The following ADAP1 variants were observed in gnomAD, a reference collection of about 807,000 sequenced individuals.
The protein encoded by ADAP1 is ArfGAP with dual PH domains 1.
A neutral mutation model predicts 54.9 loss-of-function variants in ADAP1; 31 were observed. The ratio of observed to expected loss-of-function variants is 0.56; its 90% CI spans 0.42 to 0.76. The LOEUF is 0.76. Ranked by LOEUF, ADAP1 falls within the 30% of genes least tolerant of loss-of-function variation. The pLI is 0.00. For missense variants in ADAP1, 535 were observed against 512.4 expected, an observed-to-expected ratio of 1.04 and a Z score of -0.42; for synonymous variants, 313 against 202.6, an observed-to-expected ratio of 1.55 and a Z score of -4.63.
intron 1 of ADAP1, among the ~76,000 whole-genome samples, chr7:953,644 C>G (rs1322152772): frequency 2.0e-5 from 3 of 152,222 alleles, no homozygotes; most frequent in African/African-American, 7.2e-5. Context: ...AGCTCCCGAG[C>G]AGGGCAGGGC....
In ADAP1 at chr7:920,624, G is replaced by T. The variant is rs1368763124; in HGVS notation, c.306-574C>A. Among the ~76,000 whole-genome samples, 1 of 152,072 alleles carries T rather than the reference G, an allele frequency of 6.6e-6. No homozygotes were observed. Among genetic ancestry groups the T allele is most frequent in the Non-Finnish European group, 1.5e-5 (1 of 67,988 alleles). On this transcript the variant is annotated intron_variant, in intron 3 of 10. Coordinates refer to ENST00000265846, the MANE Select transcript of ADAP1 (RefSeq NM_006869.4). This position sits in a 1 kb window ranked among gnomAD's most constrained non-coding sequence, Gnocchi z 4.5. The stretch of plus-strand genomic sequence containing the variant: ...GGTCAGGAGGCGTCCGGGGCATCAG[G>T]AGAAACTACCGGCAAATACCCAAGA...
At position 920,079 on chromosome 7, in the gene ADAP1, G is replaced by A. The variant is rs751480999; in HGVS notation, c.306-29C>T. ...TGGGGAGAGGAGAGACTGAGCCACTGGGCCAAGGCGGCCTCCGACCCAGCA... is the reference window on the plus strand; with the variant it reads ...TGGGGAGAGGAGAGACTGAGCCACTAGGCCAAGGCGGCCTCCGACCCAGCA... On this transcript the variant is annotated intron_variant, in intron 3 of 10. Coordinates refer to ENST00000265846, the MANE Select transcript of ADAP1 (RefSeq NM_006869.4). This position sits in a 1 kb window ranked among gnomAD's most constrained non-coding sequence, Gnocchi z 4.5. The A allele has an allele frequency of 1.9e-5, 30 of 1,595,704 alleles. No homozygotes were observed. The highest frequency in any genetic ancestry group is 1.7e-4 in the South Asian group (15 of 90,476).
chr7:908,692 G>A (rs964165965), intron 4 of ADAP1, among the ~76,000 whole-genome samples: 4 of 152,216 alleles, frequency 2.6e-5, no homozygotes, highest in African/African-American at 7.2e-5. Flanking sequence ...CTCTTTGGAC[G>A]CGGCGCTTCG....
intron 8 of ADAP1, 149 bp from the exon 9 acceptor site, chr7:899,639 A>AGGCCTC: frequency 1.2e-6 from 1 of 843,062 alleles, no homozygotes; most frequent in East Asian, 2.7e-5. Flanking sequence ...ACGCCCCACG[A>AGGCCTC]GGCCTCCGCA....
rs1846844631 is a variant in ADAP1 at position 938,421 on chromosome 7, A to G, written c.83-2916T>C. On this transcript the variant is annotated intron_variant, in intron 1 of 10. Coordinates refer to ENST00000265846, the MANE Select transcript of ADAP1 (RefSeq NM_006869.4). This position sits in a 1 kb window ranked among gnomAD's most constrained non-coding sequence, Gnocchi z 4.4. ...GGGCTTGAACTCCTGGGCTCAAGCG[A>G]TCCTCCTGTCTTGGCCTCCTAAAGT... Among the ~76,000 whole-genome samples the G allele has an allele frequency of 1.3e-5, 2 of 152,136 alleles. No individual in the cohort carries two copies. Among genetic ancestry groups the G allele is most frequent in the South Asian group, 4.1e-4 (2 of 4,830 alleles).
rs1209985699 is a variant in ADAP1, at chr7:954,639, C to T, written c.-162G>A. The T allele has an allele frequency of 1.0e-6, 1 of 981,502 alleles. No homozygotes were observed. The highest frequency in any genetic ancestry group is 1.2e-6 in the Non-Finnish European group (1 of 828,284). The allele number at this position is 981,502 out of a possible 1,614,324, so 60.8% of individuals were successfully genotyped here. A position where few individuals can be genotyped will look rare whatever the true frequency, so the allele number is the denominator to read the frequency against. Reference sequence around the variant, plus strand: ...CGCATTCCCGCCGCCCTCTGGGCTCCGCCGCCGCCGCTCGTGTCTCCGCCG... The same window carrying T: ...CGCATTCCCGCCGCCCTCTGGGCTCTGCCGCCGCCGCTCGTGTCTCCGCCG... On this transcript the variant is annotated 5_prime_UTR_variant, in exon 1 of 11. Coordinates refer to ENST00000265846, the MANE Select transcript of ADAP1 (RefSeq NM_006869.4).
At chr7:924,093 C>T (rs1205750820) in intron 3 of ADAP1, among the ~76,000 whole-genome samples, 20 of 97,516 alleles carry the variant, frequency 2.1e-4, no homozygotes, top group Non-Finnish European at 3.5e-4. Context: ...CTGCACCCCC[C>T]GCCCTCCGGG....
intron 1 of ADAP1, among the ~76,000 whole-genome samples, chr7:948,454 C>G (rs1483744304): frequency 2.6e-5 from 4 of 152,134 alleles, no homozygotes; most frequent in African/African-American, 9.7e-5. Flanking sequence ...ACTTCCAAAG[C>G]CTTCCCCTGC....
At chr7:900,852 G>A (rs1415404001) in intron 6 of ADAP1, 39 of 633,822 alleles carry the variant, frequency 6.2e-5, no homozygotes, top group South Asian at 1.9e-4. Flanking sequence ...AGCCTCCCCC[G>A]GCGAAGTCCT....
At chr7:900,394 C>T (rs145571122) in intron 7 of ADAP1, 139 bp downstream of exon 7, 64 of 1,020,760 alleles carry the variant, frequency 6.3e-5, no homozygotes, top group African/African-American at 9.6e-5. Context: ...GCTGCAGGCA[C>T]GTCAGGGTGA....
rs574024016 is a variant in ADAP1, at chr7:902,351, G to A, written c.649-1735C>T. Among the ~76,000 whole-genome samples the A allele has an allele frequency of 8.1e-5, 12 of 148,778 alleles. No homozygotes were observed. In the East Asian group the frequency reaches 2.2e-3, roughly 27 times the overall value. ...CGCATGCCTGTAATCCCAGCTACTCGGGAGGCTGAGGCAGGAGAATGACTT... is the reference window on the plus strand; with the variant it reads ...CGCATGCCTGTAATCCCAGCTACTCAGGAGGCTGAGGCAGGAGAATGACTT... On this transcript the variant is annotated intron_variant, in intron 6 of 10. Coordinates refer to ENST00000265846, the MANE Select transcript of ADAP1 (RefSeq NM_006869.4).
rs117219772 is a variant in ADAP1, at chr7:908,235, C to T, written c.389-3063G>A. Among the ~76,000 whole-genome samples, 916 of 152,298 alleles carry T rather than the reference C, an allele frequency of 6.0e-3. 10 individuals carry two copies. Among genetic ancestry groups the T allele is most frequent in the Admixed American group, 0.024 (365 of 15,306 alleles). On this transcript the variant is annotated intron_variant, in intron 4 of 10. Transcript: ENST00000265846. ...GGCTCAGATTGCAGACACCGCCCAT[C>T]AGCCCTGACCACCAAAGCCCCCTGC...
At chr7:930,881 G>C (rs1455384747) in intron 2 of ADAP1, among the ~76,000 whole-genome samples, 1 of 151,524 alleles carries the variant, frequency 6.6e-6, no homozygotes, top group Non-Finnish European at 1.5e-5. Context: ...TTGGGAGGCT[G>C]AGGCAAGAGG....
intron 1 of ADAP1, among the ~76,000 whole-genome samples, chr7:949,530 G>A (rs1847218567): frequency 6.6e-6 from 1 of 152,248 alleles, no homozygotes; most frequent in African/African-American, 2.4e-5. Flanking sequence ...CCTGAGATAT[G>A]TCCAGAGCTG....
Position 905,270 on chromosome 7 carries a change from C to CACGGCGGACACGG in ADAP1, c.389-99_389-98insCCGTGTCCGCCGT, listed in dbSNP as rs1554271583. The stretch of plus-strand genomic sequence containing the variant: ...GGACAGAGGGGACATGGGGAGAAGA[C>CACGGCGGACACGG]ACGGGGGACACGGACGGGGGACACG... On this transcript the variant is annotated intron_variant, in intron 4 of 10. Transcript: ENST00000265846. The CACGGCGGACACGG allele has an allele frequency of 2.8e-5, 14 of 507,894 alleles. 1 individual carries two copies. The highest frequency in any genetic ancestry group is 5.6e-5 in the African/African-American group (1 of 17,736). 31.5% of individuals were successfully genotyped at this position (507,894 alleles called of 1,614,324 possible). A position where few individuals can be genotyped will look rare whatever the true frequency, so the allele number is the denominator to read the frequency against.
In ADAP1 at chr7:927,184, C is replaced by T. The variant is rs768970528; in HGVS notation, c.214-540G>A. ...AGGGACACACTGCAGGGACCCAGAACATGTTTACGAAACAGGCTGAGGGAG... is the reference window on the plus strand; with the variant it reads ...AGGGACACACTGCAGGGACCCAGAATATGTTTACGAAACAGGCTGAGGGAG... On this transcript the variant is annotated intron_variant, in intron 2 of 10. Coordinates refer to ENST00000265846, the MANE Select transcript of ADAP1 (RefSeq NM_006869.4). 1.2e-5 allele frequency: 15 copies of T among 1,295,444 alleles called. No individual in the cohort carries two copies. The Admixed American group carries it at 1.9e-4, about 17-fold the overall frequency. 80.2% of individuals were successfully genotyped at this position (1,295,444 alleles called of 1,614,324 possible).
intron 4 of ADAP1, 148 bp downstream of exon 4, chr7:919,816 GAGAT>G: frequency 4.1e-6 from 1 of 245,228 alleles, no homozygotes; most frequent in Non-Finnish European, 7.1e-6. Flanking sequence ...GGGAGGGAGG[GAGAT>G]GGGGGAGGGA....
At chr7:900,476 A>ACC in intron 7 of ADAP1, 57 bp downstream of exon 7, 3 of 1,065,204 alleles carry the variant, frequency 2.8e-6, no homozygotes, top group Admixed American at 2.0e-5. Flanking sequence ...GGCTCCGTCC[A>ACC]CCCCCCACCC....
In ADAP1 at chr7:945,889, C is replaced by A; in HGVS notation, c.82+8507G>T. ...GCAGGCGTGTCCCCCAAGCCAAGGC[C>A]CAGGCTGGGGCACGGGCAGGGGGAA... On this transcript the variant is annotated intron_variant, in intron 1 of 10. Transcript: ENST00000265846. This position sits in a 1 kb window ranked among gnomAD's most constrained non-coding sequence, Gnocchi z 4.2. 1.0e-6 allele frequency: 1 copy of A among 955,586 alleles called. No homozygotes were observed. Among genetic ancestry groups the A allele is most frequent in the Non-Finnish European group, 1.2e-6 (1 of 802,654 alleles). 59.2% of individuals were successfully genotyped at this position (955,586 alleles called of 1,614,324 possible).
Sources: allele counts gnomAD v4.1 joint callset (sites outside exome capture counted in the v4.1 genomes callset), GRCh38; gene constraint gnomAD v4.1.1; non-coding constraint Gnocchi (gnomAD v3.1); transcripts MANE v1.5; gene names NCBI Gene and HGNC (gene_info 2026-07-23, HGNC 2026-07-21).